The following SYTL3 variants were observed in gnomAD, a reference collection of about 807,000 sequenced individuals.
The protein encoded by SYTL3 is synaptotagmin-like protein 3.
SYTL3 carries 88 observed loss-of-function variants against 82.1 expected under a neutral mutation model. That is an observed-to-expected ratio of 1.07 (90% CI 0.90 to 1.28). The LOEUF is 1.28. Among genes scored for constraint, SYTL3 ranks in the 50% most tolerant of loss-of-function variants. The pLI is 0.00. For missense variants in SYTL3, 831 were observed against 757.6 expected (o/e 1.10, Z -1.14); for synonymous variants, 311 against 289.4 (o/e 1.07, Z -0.76).
At chr6:158,657,865 T>C (rs1447956676) in intron 2 of SYTL3, among the ~76,000 whole-genome samples, 1 of 134,836 alleles carries the variant, frequency 7.4e-6, no homozygotes, top group Non-Finnish European at 1.5e-5. Context: ...ATTTACACAC[T>C]AGTTGCATTT....
intron 10 of SYTL3, 134 bp from the exon 11 acceptor site, chr6:158,725,369 C>T: frequency 1.1e-6 from 1 of 890,364 alleles, no homozygotes; most frequent in South Asian, 1.6e-5. Context: ...TTACCAAATG[C>T]AGGTGTGTCC....
rs145434085 is a variant in SYTL3 at position 158,663,625 on chromosome 6, G to T, written c.110+247G>T. ...TTCATTTAAAACGGTGCCTTTGGGCGGTAAGTTTGCTGTCTGCCATCTGCT... is the reference window on the plus strand; with the variant it reads ...TTCATTTAAAACGGTGCCTTTGGGCTGTAAGTTTGCTGTCTGCCATCTGCT... On this transcript the variant is annotated intron_variant, in intron 4 of 17. Coordinates refer to ENST00000611299, the MANE Select transcript of SYTL3 (RefSeq NM_001242394.2). The T allele has an allele frequency of 3.1e-4, 310 of 985,008 alleles. No individual in the cohort carries two copies. In the African/African-American group the frequency reaches 5.0e-3, roughly 16 times the overall value. 61.0% of individuals were successfully genotyped at this position (985,008 alleles called of 1,614,324 possible). A position where few individuals can be genotyped will look rare whatever the true frequency, so the allele number is the denominator to read the frequency against.
intron 11 of SYTL3, among the ~76,000 whole-genome samples, chr6:158,737,369 G>A (rs1180146719): frequency 6.6e-6 from 1 of 152,202 alleles, no homozygotes; most frequent in East Asian, 1.9e-4. Context: ...TTCTCAGTGT[G>A]TTCTTATCAG....
chr6:158,755,901 G>C (rs894928393), intron 13 of SYTL3, among the ~76,000 whole-genome samples: 5 of 152,366 alleles, frequency 3.3e-5, no homozygotes, highest in Admixed American at 3.3e-4. Context: ...CTGGCCTGCA[G>C]TGTCGGCTAC....
At chr6:158,763,279 T>G in intron 16 of SYTL3, 25 bp from the exon 17 acceptor site, 1 of 1,611,738 alleles carries the variant, frequency 6.2e-7, no homozygotes, top group Non-Finnish European at 8.5e-7. Flanking sequence ...TGGCAATGAT[T>G]GCAGGGTTTG....
rs1784617964 is a variant in SYTL3 at position 158,725,573 on chromosome 6, T to G, written c.791T>G (p.Leu264Trp). 1.2e-6 allele frequency: 2 copies of G among 1,614,094 alleles called. No homozygotes were observed. Among genetic ancestry groups the G allele is most frequent in the Non-Finnish European group, 1.7e-6 (2 of 1,180,050 alleles). ...EDPKCSTNPI[L>W]KQQNLPSSPA... ...CCCAAATGCTCTACTAACCCTATTTTGAAGCAACAGAATCTCCCATCCAGT... is the reference window on the plus strand; with the variant it reads ...CCCAAATGCTCTACTAACCCTATTTGGAAGCAACAGAATCTCCCATCCAGT... Residue 264 changes from leucine (L) to tryptophan (W), a missense_variant, in exon 11 of 18, where the codon TTG (leucine) becomes TGG (tryptophan). Leu to Trp is a moderately conservative substitution (Grantham distance 61). Transcript: ENST00000611299.
At chr6:158,742,944 C>T (rs764535520) in intron 11 of SYTL3, among the ~76,000 whole-genome samples, 3 of 152,110 alleles carry the variant, frequency 2.0e-5, no homozygotes, top group Non-Finnish European at 4.4e-5. Flanking sequence ...GTTCAGCAAA[C>T]GCCTTGAGGA....
intron 14 of SYTL3, among the ~76,000 whole-genome samples, chr6:158,759,140 G>T (rs1789560779): frequency 6.6e-6 from 1 of 152,240 alleles, no homozygotes; most frequent in Non-Finnish European, 1.5e-5. Flanking sequence ...GCTTGGCATA[G>T]GACAGGCGGC....
chr6:158,693,359 A>G (rs375158248), intron 6 of SYTL3, among the ~76,000 whole-genome samples: 43 of 152,166 alleles, frequency 2.8e-4, no homozygotes, highest in African/African-American at 9.4e-4. Flanking sequence ...CTGGGATCAC[A>G]GGCATGCACC....
intron 2 of SYTL3, among the ~76,000 whole-genome samples, chr6:158,656,371 G>A (rs936632525): frequency 5.9e-5 from 9 of 152,146 alleles, no homozygotes; most frequent in African/African-American, 2.2e-4. Flanking sequence ...AAGCAGGTGG[G>A]TGCAGCCAGT....
At chr6:158,708,471 A>G in intron 8 of SYTL3, 80 bp downstream of exon 8, 4 of 1,398,342 alleles carry the variant, frequency 2.9e-6, no homozygotes, top group Non-Finnish European at 4.1e-6. Flanking sequence ...TTCGAGGCTG[A>G]GGCCGGGCAC....
chr6:158,761,459 T>C (rs765737897), intron 15 of SYTL3, among the ~76,000 whole-genome samples: 22 of 151,890 alleles, frequency 1.4e-4, no homozygotes, highest in Middle Eastern at 6.8e-3. Flanking sequence ...CCTGCCACCA[T>C]GCCCGGCTAA....
At chr6:158,737,904 C>T (rs563621090) in intron 11 of SYTL3, among the ~76,000 whole-genome samples, 2 of 152,318 alleles carry the variant, frequency 1.3e-5, no homozygotes, top group Admixed American at 1.3e-4. Context: ...GATTTAGGAG[C>T]CCTGGTCCAC....
intron 10 of SYTL3, among the ~76,000 whole-genome samples, chr6:158,721,789 C>T (rs1219492971): frequency 6.6e-6 from 1 of 152,112 alleles, no homozygotes; most frequent in Non-Finnish European, 1.5e-5. Flanking sequence ...TGCACCACCA[C>T]ACCTGGCTAA....
chr6:158,665,524 C>G lies in SYTL3; in HGVS notation c.240C>G (p.Cys80Trp). 1 of 1,592,066 alleles carries G rather than the reference C, an allele frequency of 6.3e-7. No individual in the cohort carries two copies. Among genetic ancestry groups the G allele is most frequent in the Non-Finnish European group, 8.5e-7 (1 of 1,170,050 alleles). The stretch of plus-strand genomic sequence containing the variant: ...TCCTGCTGCACCGGGGCGCCGTGTG[C>G]CGGGGCTGCAGCCACCGCGTGTGTG... ...LGFLLHRGAVCRGCSHRVCAQ... is the reference protein window; with the variant it reads ...LGFLLHRGAVWRGCSHRVCAQ... The change falls in exon 5 of 18, where the codon TGC becomes TGG. Residue 80 changes from cysteine (C) to tryptophan (W), a missense_variant. Coordinates refer to ENST00000611299, the MANE Select transcript of SYTL3 (RefSeq NM_001242394.2).
At chr6:158,713,500 A>G (rs1452913005) in intron 8 of SYTL3, among the ~76,000 whole-genome samples, 4 of 152,292 alleles carry the variant, frequency 2.6e-5, no homozygotes, top group Middle Eastern at 3.4e-3. Flanking sequence ...AATGCCAGTC[A>G]TCATTTCCCA....
At chr6:158,745,117 T>G (rs1008673911) in intron 11 of SYTL3, among the ~76,000 whole-genome samples, 1 of 151,992 alleles carries the variant, frequency 6.6e-6, no homozygotes, top group African/African-American at 2.4e-5. Flanking sequence ...ACTGTGCCGC[T>G]TTCCGCATAG....
chr6:158,706,823 C>T (rs1782155241), intron 6 of SYTL3, among the ~76,000 whole-genome samples: 1 of 152,186 alleles, frequency 6.6e-6, no homozygotes, highest in Admixed American at 6.5e-5. Context: ...CATCACAAGG[C>T]AAGCTTACAG....
intron 10 of SYTL3, among the ~76,000 whole-genome samples, chr6:158,723,281 C>T (rs1347320021): frequency 1.3e-5 from 2 of 151,612 alleles, no homozygotes; most frequent in South Asian, 2.1e-4. Flanking sequence ...AGGGTTTCAC[C>T]GTGTTAGCCA....
Sources: gnomAD v4.1 joint callset for allele counts (sites outside exome capture counted in the v4.1 genomes callset) on GRCh38, gnomAD v4.1.1 for gene constraint, MANE v1.5 for transcripts, NCBI Gene and HGNC (gene_info 2026-07-23, HGNC 2026-07-21) for gene names.